DLG2: variants seen among roughly 807,000 people sequenced by gnomAD.
The protein encoded by DLG2 is discs large MAGUK scaffold protein 2.
DLG2 carries 45 observed loss-of-function variants against 132.5 expected under a neutral mutation model. That is an observed-to-expected ratio of 0.34 (90% CI 0.27 to 0.44). DLG2 has a LOEUF of 0.44. Among genes scored for constraint, DLG2 ranks in the 20% least tolerant of loss-of-function variants. The pLI, the probability that DLG2 is intolerant of heterozygous loss-of-function variation, is 1.00. For missense variants in DLG2, 1,045 were observed against 1,196.9 expected (o/e 0.87, Z 1.87); for synonymous variants, 424 against 419.6 (o/e 1.01, Z -0.13).
intron 7 of DLG2, among the ~76,000 whole-genome samples, chr11:84,422,333 CT>C (rs2098953635): frequency 6.6e-6 from 1 of 152,116 alleles, no homozygotes. Flanking sequence ...CCTCAGAGAT[CT>C]TAATTATGAT....
At chr11:85,495,481 T>G (rs180918694) in intron 3 of DLG2, among the ~76,000 whole-genome samples, 81 of 152,056 alleles carry the variant, frequency 5.3e-4, no homozygotes, top group Admixed American at 9.8e-4. Flanking sequence ...AAGATATGAA[T>G]AGACACTTCT....
At chr11:85,438,089 G>A (rs2091587100) in intron 3 of DLG2, among the ~76,000 whole-genome samples, 1 of 152,166 alleles carries the variant, frequency 6.6e-6, no homozygotes, top group Non-Finnish European at 1.5e-5. Context: ...CAAGGGGGAT[G>A]AGGCACTACA....
chr11:85,081,119 T>C (rs1367122061), intron 6 of DLG2, among the ~76,000 whole-genome samples: 1 of 152,174 alleles, frequency 6.6e-6, no homozygotes, highest in African/African-American at 2.4e-5. Context: ...TTTCTTTGTC[T>C]AATTACCAAA....
rs529781657 is a variant in DLG2 at position 83,712,136 on chromosome 11, TG to T, written c.1825+74553del. On this transcript the variant is annotated intron_variant, in intron 18 of 27. Coordinates refer to ENST00000376104, the MANE Select transcript of DLG2 (RefSeq NM_001142699.3). ...AAGACCTAGTGGCAGAAATACCATTTGGCCCAGCAATCCTATTATTGGGTAT... is the reference window on the plus strand; with the variant it reads ...AAGACCTAGTGGCAGAAATACCATTTGCCCAGCAATCCTATTATTGGGTAT... Among the ~76,000 whole-genome samples, 601 of 152,278 alleles carry T rather than the reference TG, an allele frequency of 3.9e-3. 2 individuals are homozygous for T. The highest frequency in any genetic ancestry group is 0.01 in the Middle Eastern group (3 of 294).
At chr11:85,608,720 A>C (rs751888085) in intron 2 of DLG2, among the ~76,000 whole-genome samples, 128 of 152,162 alleles carry the variant, frequency 8.4e-4, no homozygotes, top group Non-Finnish European at 1.7e-3. Context: ...GGCCCCACCC[A>C]GGTACATGAC....
chr11:84,020,776 AG>A (rs1387958159), intron 11 of DLG2, among the ~76,000 whole-genome samples: 2 of 152,212 alleles, frequency 1.3e-5, no homozygotes, highest in African/African-American at 4.8e-5. Context: ...CAGCTCTCTC[AG>A]GACGGCATAC....
chr11:85,203,237 G>A (rs11825479), intron 4 of DLG2, among the ~76,000 whole-genome samples: 6,026 of 151,346 alleles, frequency 0.04, 157 homozygotes, highest in African/African-American at 0.071. Context: ...AGATCAATGA[G>A]ATGAAAATCT....
At chr11:84,958,220 T>A (rs2051989682) in intron 6 of DLG2, among the ~76,000 whole-genome samples, 1 of 152,180 alleles carries the variant, frequency 6.6e-6, no homozygotes, top group South Asian at 2.1e-4. Context: ...CATATATATT[T>A]CCTGCCCCAC....
intron 16 of DLG2, among the ~76,000 whole-genome samples, chr11:83,860,128 G>A (rs913232731): frequency 6.6e-6 from 1 of 152,220 alleles, no homozygotes; most frequent in African/African-American, 2.4e-5. Flanking sequence ...TGCTAGGGCA[G>A]TGTAGAAGGG....
intron 7 of DLG2, among the ~76,000 whole-genome samples, chr11:84,466,240 A>C (rs1278334392): frequency 6.6e-6 from 1 of 151,314 alleles, no homozygotes; most frequent in Non-Finnish European, 1.5e-5. Context: ...ATTAGAAGAA[A>C]AGAGGAAAAC....
chr11:84,385,253 T>C (rs2098765088), intron 7 of DLG2, among the ~76,000 whole-genome samples: 1 of 152,016 alleles, frequency 6.6e-6, no homozygotes, highest in South Asian at 2.1e-4. Flanking sequence ...TTAAAAAAAA[T>C]CAAAGAGGCA....
chr11:84,398,041 T>C (rs1483248957), intron 7 of DLG2, among the ~76,000 whole-genome samples: 1 of 152,250 alleles, frequency 6.6e-6, no homozygotes, highest in African/African-American at 2.4e-5. Context: ...AAGGACAGAT[T>C]GGACTGTGGG....
At chr11:85,228,526 T>C (rs946979657) in intron 4 of DLG2, among the ~76,000 whole-genome samples, 2 of 152,076 alleles carry the variant, frequency 1.3e-5, no homozygotes, top group African/African-American at 4.8e-5. Flanking sequence ...TCACCAAGGG[T>C]TCAAGATATC....
At position 84,163,529 on chromosome 11, in the gene DLG2, A is replaced by G; in HGVS notation, c.574-18T>C. The G allele has an allele frequency of 6.3e-7, 1 of 1,589,438 alleles. No individual in the cohort carries two copies. Among genetic ancestry groups the G allele is most frequent in the Non-Finnish European group, 8.6e-7 (1 of 1,164,922 alleles). On this transcript the variant is annotated intron_variant, in intron 8 of 27. Coordinates refer to ENST00000376104, the MANE Select transcript of DLG2 (RefSeq NM_001142699.3). ...CCATTGACCTGTAAATAGGGAAAAA[A>G]TAAGAAGAGAACTATTAAATACATG...
At chr11:84,834,880 C>A (rs1279837608) in intron 6 of DLG2, among the ~76,000 whole-genome samples, 1 of 150,222 alleles carries the variant, frequency 6.7e-6, no homozygotes, top group African/African-American at 2.4e-5. Flanking sequence ...TCATGGAATA[C>A]TGGTGTCTTT....
intron 16 of DLG2, among the ~76,000 whole-genome samples, chr11:83,848,473 T>C (rs1003967660): frequency 3.3e-5 from 5 of 152,214 alleles, no homozygotes; most frequent in African/African-American, 1.2e-4. Flanking sequence ...AGAATTTTTT[T>C]TCTCCCTTTT....
At chr11:83,680,893 T>C (rs1566502921) in intron 18 of DLG2, among the ~76,000 whole-genome samples, 1 of 137,924 alleles carries the variant, frequency 7.3e-6, no homozygotes. Flanking sequence ...AAAAAATGCA[T>C]ACATTTTTTT....
intron 17 of DLG2, among the ~76,000 whole-genome samples, chr11:83,825,258 C>T (rs778424291): frequency 2.7e-5 from 4 of 147,876 alleles, no homozygotes; most frequent in South Asian, 2.1e-4. Flanking sequence ...CTTGGCTCAC[C>T]GCAACCTCCG....
chr11:84,352,644 A>G (rs989967050), intron 7 of DLG2, among the ~76,000 whole-genome samples: 4 of 152,148 alleles, frequency 2.6e-5, no homozygotes, highest in Non-Finnish European at 5.9e-5. Context: ...TGCTGGCTCA[A>G]TTCATTGGCG....
Sources: allele counts gnomAD v4.1 joint callset (sites outside exome capture counted in the v4.1 genomes callset), GRCh38; gene constraint gnomAD v4.1.1; transcripts MANE v1.5; gene names NCBI Gene and HGNC (gene_info 2026-07-23, HGNC 2026-07-21).